TRHDE: variants seen among roughly 807,000 people sequenced by gnomAD.
The protein encoded by TRHDE is thyrotropin releasing hormone degrading enzyme, also known as thyrotropin-releasing hormone-degrading ectoenzyme.
In TRHDE, 72 loss-of-function variants were observed where a neutral mutation model predicts 125.7. That is an observed-to-expected ratio of 0.57 (90% CI 0.47 to 0.70). TRHDE has a LOEUF of 0.70. Ranked by LOEUF, TRHDE falls within the 30% of genes least tolerant of loss-of-function variation. TRHDE has a pLI of 0.00. For missense variants in TRHDE, 1,110 were observed against 1,327.1 expected, an observed-to-expected ratio of 0.84 and a Z score of 2.54; for synonymous variants, 509 against 509.1, an observed-to-expected ratio of 1.00 and a Z score of 0.00.
chr12:72,408,732 A>G (rs935084563), intron 3 of TRHDE, among the ~76,000 whole-genome samples: 2 of 152,228 alleles, frequency 1.3e-5, no homozygotes, highest in African/African-American at 2.4e-5. Flanking sequence ...TTTACAAAAG[A>G]GAAATCCAAT....
chr12:72,120,868 C>T (rs749348703), intron 2 of TRHDE, among the ~76,000 whole-genome samples: 13 of 151,094 alleles, frequency 8.6e-5, no homozygotes, highest in Non-Finnish European at 1.3e-4. Context: ...TTAGTAGAGA[C>T]GGGGTTTCAC....
chr12:72,406,835 T>C (rs1318116059), intron 3 of TRHDE, among the ~76,000 whole-genome samples: 2 of 152,204 alleles, frequency 1.3e-5, no homozygotes, highest in Non-Finnish European at 2.9e-5. Context: ...TACTGCTAAA[T>C]GTGGTGTTAA....
intron 2 of TRHDE, among the ~76,000 whole-genome samples, chr12:72,154,451 C>A (rs186732657): frequency 1.3e-5 from 2 of 152,084 alleles, no homozygotes; most frequent in African/African-American, 4.8e-5. Context: ...TTTTAGCTGG[C>A]TATTTTGCTC....
intron 9 of TRHDE, among the ~76,000 whole-genome samples, chr12:72,568,079 C>G (rs1056684738): frequency 1.3e-5 from 2 of 151,818 alleles, no homozygotes; most frequent in Admixed American, 6.6e-5. Flanking sequence ...TGCTGAGTAA[C>G]TTTAGATACG....
rs1879332772 is a variant in TRHDE at position 72,273,319 on chromosome 12, G to T, written c.676G>T (p.Val226Leu). The part of the protein sequence containing the change: ...IACRNATRYV[V>L]LHASRVAVEK... ...GTGCCGGAACGCCACCCGCTACGTA[G>T]TGCTGCACGCTTCCCGAGTGGCGGT... is the stretch of plus-strand genomic sequence containing the variant. The change falls in exon 1 of 19, where the codon GTG becomes TTG. Residue 226 changes from valine (V) to leucine (L), a missense_variant. Transcript: ENST00000261180. This position sits in a 1 kb window ranked among gnomAD's most constrained non-coding sequence, Gnocchi z 5.3. The T allele has an allele frequency of 6.2e-7, 1 of 1,614,018 alleles. No homozygotes were observed. The highest frequency in any genetic ancestry group is 1.3e-5 in the African/African-American group (1 of 74,936).
chr12:72,229,036 C>G (rs1454977503), intron 2 of TRHDE, among the ~76,000 whole-genome samples: 1 of 152,186 alleles, frequency 6.6e-6, no homozygotes, highest in African/African-American at 2.4e-5. Context: ...CTGTCTTTTT[C>G]TGAGCCCTCC....
At chr12:72,488,129 A>G (rs1877498207) in intron 5 of TRHDE, among the ~76,000 whole-genome samples, 1 of 152,028 alleles carries the variant, frequency 6.6e-6, no homozygotes, top group Non-Finnish European at 1.5e-5. Context: ...TAAAACAACC[A>G]GAAAACAAAG....
At chr12:72,330,145 G>A (rs1161376493) in intron 2 of TRHDE, among the ~76,000 whole-genome samples, 2 of 152,068 alleles carry the variant, frequency 1.3e-5, no homozygotes, top group Admixed American at 1.3e-4. Flanking sequence ...AAGTGTAGTG[G>A]AAAGGAAATA....
At chr12:72,344,352 G>T (rs1045273861) in intron 2 of TRHDE, among the ~76,000 whole-genome samples, 1 of 152,016 alleles carries the variant, frequency 6.6e-6, no homozygotes, top group Non-Finnish European at 1.5e-5. Context: ...CTTAATAAAG[G>T]TTGCTGCTAT....
chr12:72,647,308 T>A (rs554982948), intron 15 of TRHDE, among the ~76,000 whole-genome samples: 4 of 151,898 alleles, frequency 2.6e-5, no homozygotes, highest in Non-Finnish European at 5.9e-5. Context: ...ATACTGAAAC[T>A]TATGGGATAC....
intron 2 of TRHDE, among the ~76,000 whole-genome samples, chr12:72,219,755 A>G (rs1877965575): frequency 6.6e-6 from 1 of 152,078 alleles, no homozygotes; most frequent in African/African-American, 2.4e-5. Flanking sequence ...CCATCTTGGT[A>G]TTTATTTCAT....
chr12:72,529,188 A>T (rs1344168983), intron 6 of TRHDE, among the ~76,000 whole-genome samples: 1 of 152,148 alleles, frequency 6.6e-6, no homozygotes, highest in Non-Finnish European at 1.5e-5. Flanking sequence ...ATATGACTGA[A>T]CTAAATGAGA....
At chr12:72,324,822 CATCTTTAGGTATG>C (rs1869263780) in intron 2 of TRHDE, among the ~76,000 whole-genome samples, 1 of 152,060 alleles carries the variant, frequency 6.6e-6, no homozygotes, top group African/African-American at 2.4e-5. Context: ...CCTATGACAC[CATCTTTAGGTATG>C]ATTTTATAGA....
chr12:72,119,573 A>G (rs1399505993), intron 2 of TRHDE, among the ~76,000 whole-genome samples: 1 of 152,196 alleles, frequency 6.6e-6, no homozygotes, highest in Non-Finnish European at 1.5e-5. Context: ...AGTGCCGATT[A>G]AGTCCAACGT....
At chr12:72,372,332 T>C (rs1329380924) in intron 2 of TRHDE, among the ~76,000 whole-genome samples, 1 of 152,082 alleles carries the variant, frequency 6.6e-6, no homozygotes, top group Admixed American at 6.6e-5. Flanking sequence ...TTCTCCCATT[T>C]TGTAGGTTGC....
intron 2 of TRHDE, among the ~76,000 whole-genome samples, chr12:72,200,724 A>T (rs1877543066): frequency 1.3e-5 from 2 of 152,192 alleles, no homozygotes; most frequent in African/African-American, 4.8e-5. Flanking sequence ...TGCAGTCTAG[A>T]TCAAGCTGAA....
chr12:72,237,623 A>G (rs1203424680), intron 2 of TRHDE, among the ~76,000 whole-genome samples: 1 of 152,164 alleles, frequency 6.6e-6, no homozygotes, highest in South Asian at 2.1e-4. Flanking sequence ...TAAAAATGAC[A>G]GTTTCCACTG....
intron 3 of TRHDE, among the ~76,000 whole-genome samples, chr12:72,386,671 C>A (rs1207492488): frequency 6.6e-6 from 1 of 152,094 alleles, no homozygotes; most frequent in Non-Finnish European, 1.5e-5. Flanking sequence ...ACTTGAATTT[C>A]TCTCTTGTCT....
intron 2 of TRHDE, chr12:72,253,690 C>G (rs758135936): frequency 1.2e-4 from 19 of 152,282 alleles, no homozygotes; most frequent in Non-Finnish European, 2.4e-4. Context: ...TTTAAAGACA[C>G]TCTTCATTAA....
Sources: allele counts gnomAD v4.1 joint callset (sites outside exome capture counted in the v4.1 genomes callset), GRCh38; gene constraint gnomAD v4.1.1; non-coding constraint Gnocchi (gnomAD v3.1); transcripts MANE v1.5; gene names NCBI Gene and HGNC (gene_info 2026-07-23, HGNC 2026-07-21).